PYROXD2: variants seen among roughly 807,000 people sequenced by gnomAD.
PYROXD2 encodes pyridine nucleotide-disulphide oxidoreductase domain 2.
In PYROXD2, 69 loss-of-function variants were observed where a neutral mutation model predicts 71.1. That is an observed-to-expected ratio of 0.97 (90% CI 0.80 to 1.19). PYROXD2 has a LOEUF of 1.19. Ranked by LOEUF, PYROXD2 falls within the 50% of genes most tolerant of loss-of-function variation. The pLI is 0.00. For missense variants in PYROXD2, 745 were observed against 748.9 expected, an observed-to-expected ratio of 0.99 and a Z score of 0.06; for synonymous variants, 287 against 302.7, an observed-to-expected ratio of 0.95 and a Z score of 0.54.
At chr10:98,394,728 C>G (rs910416281) in intron 8 of PYROXD2, among the ~76,000 whole-genome samples, 1 of 151,990 alleles carries the variant, frequency 6.6e-6, no homozygotes. Flanking sequence ...CCTGAGGTGT[C>G]TGTGTGAGTG....
chr10:98,407,457 G>T, intron 4 of PYROXD2, 125 bp downstream of exon 4: 1 of 1,150,574 alleles, frequency 8.7e-7, no homozygotes, highest in Non-Finnish European at 1.2e-6. Context: ...CACAAGACTT[G>T]GGTGGAAGAG....
At chr10:98,412,153 T>A (rs1843808652) in intron 1 of PYROXD2, among the ~76,000 whole-genome samples, 1 of 152,208 alleles carries the variant, frequency 6.6e-6, no homozygotes, top group South Asian at 2.1e-4. Flanking sequence ...TATTTGTCTT[T>A]TAATTGGTGC....
Position 98,392,456 on chromosome 10 carries a change from G to C in PYROXD2, c.1038C>G (p.Ile346Met). 1 of 1,613,748 alleles carries C rather than the reference G, an allele frequency of 6.2e-7. No individual in the cohort carries two copies. The highest frequency in any genetic ancestry group is 2.2e-5 in the East Asian group (1 of 44,882). Residue 346 changes from isoleucine to methionine, a missense_variant, in exon 10 of 16, where the codon ATC becomes ATG. Transcript: ENST00000370575. Reference sequence around the variant, plus strand: ...CCTGTGGCGTCAGCTTCAGGAAGGTGATCTGCGGTGATGTGTTGGACAGCA... The same window carrying C: ...CCTGTGGCGTCAGCTTCAGGAAGGTCATCTGCGGTGATGTGTTGGACAGCA... ...KMVLSNTSPQ[I>M]TFLKLTPQEW... is the part of the protein sequence containing the mutation.
intron 2 of PYROXD2, among the ~76,000 whole-genome samples, chr10:98,410,222 C>T (rs1010045577): frequency 6.6e-6 from 1 of 152,250 alleles, no homozygotes; most frequent in African/African-American, 2.4e-5. Flanking sequence ...GTTAGCACAG[C>T]CACAGTTTCC....
intron 4 of PYROXD2, among the ~76,000 whole-genome samples, chr10:98,401,211 G>A (rs997854971): frequency 3.6e-5 from 5 of 138,152 alleles, no homozygotes; most frequent in Non-Finnish European, 7.5e-5. Flanking sequence ...CAAGATTGCC[G>A]CCACTGCACT....
chr10:98,407,363 G>C (rs1410849931), intron 4 of PYROXD2, among the ~76,000 whole-genome samples: 3 of 152,188 alleles, frequency 2.0e-5, no homozygotes, highest in Admixed American at 1.3e-4. Context: ...CTGATTTTTG[G>C]ATGAAATTTC....
intron 10 of PYROXD2, among the ~76,000 whole-genome samples, chr10:98,392,096 A>T (rs911383341): frequency 2.0e-5 from 3 of 152,196 alleles, no homozygotes; most frequent in Non-Finnish European, 2.9e-5. Context: ...ATAACAGATC[A>T]TTGACAAAGA....
chr10:98,407,956 G>T lies in PYROXD2; in HGVS notation c.189C>A (p.Phe63Leu). The T allele has an allele frequency of 6.2e-7, 1 of 1,610,610 alleles. No individual in the cohort carries two copies. The change falls in exon 3 of 16, where the codon TTC becomes TTA. Residue 63 changes from phenylalanine (F) to leucine (L), a missense_variant. Coordinates refer to ENST00000370575, the MANE Select transcript of PYROXD2 (RefSeq NM_032709.3). ...LQRLGVNTAVFERRHVIGGAA... is the reference protein window; with the variant it reads ...LQRLGVNTAVLERRHVIGGAA... ...CACCCCCGATCACATGGCGCCTCTC[G>T]AAGACGGCGGTGTTCACCCCCAGTC...
intron 4 of PYROXD2, among the ~76,000 whole-genome samples, chr10:98,404,711 A>T (rs1380236379): frequency 2.0e-5 from 3 of 151,650 alleles, no homozygotes; most frequent in African/African-American, 7.3e-5. Context: ...AAAGGACCAG[A>T]GATACAAGAG....
At chr10:98,403,512 T>C (rs1843492275) in intron 4 of PYROXD2, among the ~76,000 whole-genome samples, 1 of 152,202 alleles carries the variant, frequency 6.6e-6, no homozygotes, top group Middle Eastern at 3.2e-3. Flanking sequence ...AATGCAGTCC[T>C]GCCCCTCCCA....
In PYROXD2 at chr10:98,388,478, C is replaced by A. The variant is rs755443223; in HGVS notation, c.1323G>T (p.Ser441=). The A allele has an allele frequency of 6.2e-7, 1 of 1,610,536 alleles. No homozygotes were observed. The highest frequency in any genetic ancestry group is 8.5e-7 in the Non-Finnish European group (1 of 1,178,890). ...RPVIELCIPS[S]LDPTLAPPGC... ...CAGGGGGAGCCAGGGTGGGGTCCAG[C>A]GAGGAAGGGATGCAGAGCTCAATCA... The change falls in exon 13 of 16, where the codon TCG becomes TCT. Residue 441 remains serine (S), a synonymous_variant. Coordinates refer to ENST00000370575, the MANE Select transcript of PYROXD2 (RefSeq NM_032709.3).
At chr10:98,386,327 GAGGAAGGAAGGA>G (rs57195135) in intron 14 of PYROXD2, among the ~76,000 whole-genome samples, 84 of 134,936 alleles carry the variant, frequency 6.2e-4, no homozygotes, top group Non-Finnish European at 7.6e-4. Flanking sequence ...GGAAGGGAGG[GAGGAAGGAAGGA>G]AGGAAGGAAG....
At chr10:98,407,373 C>T (rs1050398287) in intron 4 of PYROXD2, among the ~76,000 whole-genome samples, 2 of 152,172 alleles carry the variant, frequency 1.3e-5, no homozygotes, top group Non-Finnish European at 2.9e-5. Flanking sequence ...GATGAAATTT[C>T]CCACTTTTCA....
chr10:98,411,198 C>T (rs1211462742), intron 1 of PYROXD2: 3 of 597,088 alleles, frequency 5.0e-6, no homozygotes, highest in Non-Finnish European at 5.8e-6. Context: ...GTCCTGCTCC[C>T]CTGGCTTGGT....
At chr10:98,407,237 A>G (rs1268131287) in intron 4 of PYROXD2, among the ~76,000 whole-genome samples, 2 of 152,198 alleles carry the variant, frequency 1.3e-5, no homozygotes, top group African/African-American at 2.4e-5. Context: ...CTCAAGTTCA[A>G]TGAGGGCAGA....
Position 98,397,994 on chromosome 10 carries a change from T to C in PYROXD2, c.472-496A>G, listed in dbSNP as rs562489097. ...GCCTCCCAGGTTCAAGTGATTCTCC[T>C]GCCTCAGCCTCCTGAGTAGCTGGGA... On this transcript the variant is annotated intron_variant, in intron 5 of 15. Transcript: ENST00000370575. 2.5e-3 allele frequency among the ~76,000 whole-genome samples: 377 copies of C among 149,436 alleles called. 1 individual carries two copies. The South Asian group carries it at 0.026, about 10-fold the overall frequency.
At chr10:98,406,552 A>G (rs1843602788) in intron 4 of PYROXD2, among the ~76,000 whole-genome samples, 1 of 152,214 alleles carries the variant, frequency 6.6e-6, no homozygotes, top group African/African-American at 2.4e-5. Flanking sequence ...GCTGTGAACA[A>G]CAGCTGGACA....
At position 98,411,840 on chromosome 10, in the gene PYROXD2, A is replaced by G. The variant is rs139568446; in HGVS notation, c.128-882T>C. The G allele has an allele frequency of 7.9e-5, 12 of 152,364 alleles. No homozygotes were observed. The East Asian group carries it at 2.3e-3, about 29-fold the overall frequency. 9.4% of individuals were successfully genotyped at this position (152,364 alleles called of 1,614,324 possible). The stretch of plus-strand genomic sequence containing the variant: ...CCATATGAGAAGCATGTGAGAAGCT[A>G]GTTGGTTACAGTTCATCTTAAAAAG... On this transcript the variant is annotated intron_variant, in intron 1 of 15. Coordinates refer to ENST00000370575, the MANE Select transcript of PYROXD2 (RefSeq NM_032709.3).
At position 98,395,398 on chromosome 10, in the gene PYROXD2, A is replaced by C. The variant is rs139180176; in HGVS notation, c.680T>G (p.Ile227Ser). The change falls in exon 7 of 16, where the codon ATT becomes AGT. Residue 227 changes from isoleucine (I) to serine (S), a missense_variant. Ile to Ser is a moderately radical substitution (Grantham distance 142, BLOSUM62 -2). Transcript: ENST00000370575. Reference protein sequence around the residue: ...PRYYEVLTAPITKVLDQWFES... With the variant: ...PRYYEVLTAPSTKVLDQWFES... ...GGCTGGGGAACCACTCACCTTGGTA[A>C]TGGGAGCTGTGAGGACCTCATAATA... The C allele has an allele frequency of 1.1e-5, 17 of 1,614,084 alleles. No individual in the cohort carries two copies. The highest frequency in any genetic ancestry group is 3.3e-4 in the Middle Eastern group (2 of 6,084).
Sources: allele counts gnomAD v4.1 joint callset (sites outside exome capture counted in the v4.1 genomes callset), GRCh38; gene constraint gnomAD v4.1.1; transcripts MANE v1.5; gene names NCBI Gene and HGNC (gene_info 2026-07-23, HGNC 2026-07-21).